Variants in DLGAP5 observed in about 807,000 individuals in gnomAD.
DLGAP5 encodes the protein disks large-associated protein 5.
DLGAP5 carries 90 observed loss-of-function variants against 99.6 expected under a neutral mutation model. The ratio of observed to expected loss-of-function variants is 0.90; its 90% CI spans 0.76 to 1.08. The LOEUF is 1.08. Among genes scored for constraint, DLGAP5 ranks in the 50% least tolerant of loss-of-function variants. DLGAP5 has a pLI of 0.00. For synonymous variants in DLGAP5, 311 were observed against 321.3 expected (o/e 0.97, Z 0.34); for missense variants, 1,036 against 983.5 (o/e 1.05, Z -0.71).
At chr14:55,178,132 G>C (rs1883147436) in intron 7 of DLGAP5, among the ~76,000 whole-genome samples, 1 of 151,452 alleles carries the variant, frequency 6.6e-6, no homozygotes, top group South Asian at 2.1e-4. Flanking sequence ...GGCGCCTATA[G>C]TCCCAGCTAC....
In DLGAP5 at chr14:55,148,198, G is replaced by T; in HGVS notation, c.*153C>A. The T allele has an allele frequency of 1.3e-6, 1 of 749,182 alleles. No homozygotes were observed. Among genetic ancestry groups the T allele is most frequent in the Non-Finnish European group, 2.1e-6 (1 of 483,280 alleles). The allele number at this position is 749,182 out of a possible 1,614,324, so 46.4% of individuals were successfully genotyped here. ...ATATCCCCACTTCCCTTGAGAAAGA[G>T]TATATCTAAAATACACTTTGATGAA... On this transcript the variant is annotated 3_prime_UTR_variant, in exon 19 of 19. Coordinates refer to ENST00000247191, the MANE Select transcript of DLGAP5 (RefSeq NM_014750.5).
At chr14:55,161,604 T>C (rs1282468535) in intron 13 of DLGAP5, among the ~76,000 whole-genome samples, 1 of 150,892 alleles carries the variant, frequency 6.6e-6, no homozygotes, top group African/African-American at 2.4e-5. Context: ...GAGACGGGGT[T>C]TCTCCACGAT....
chr14:55,182,066 C>A (rs1325082640), intron 4 of DLGAP5, among the ~76,000 whole-genome samples: 2 of 152,178 alleles, frequency 1.3e-5, no homozygotes, highest in South Asian at 2.1e-4. Context: ...TAACACCTAC[C>A]CTGTGTGCTT....
At chr14:55,150,703 T>C (rs1341274411) in intron 18 of DLGAP5, 96 bp downstream of exon 18, 4 of 929,614 alleles carry the variant, frequency 4.3e-6, no homozygotes, top group African/African-American at 1.8e-5. Flanking sequence ...AATGACAAGA[T>C]ATACATTTTA....
At chr14:55,177,788 A>C (rs866159972) in intron 7 of DLGAP5, among the ~76,000 whole-genome samples, 6 of 151,120 alleles carry the variant, frequency 4.0e-5, no homozygotes, top group Admixed American at 2.6e-4. Context: ...CCGCCCGCCT[A>C]GGCCTCCCAA....
At chr14:55,159,783 T>C (rs1882351204) in intron 13 of DLGAP5, among the ~76,000 whole-genome samples, 1 of 152,100 alleles carries the variant, frequency 6.6e-6, no homozygotes, top group Non-Finnish European at 1.5e-5. Flanking sequence ...ACAGGAAAAT[T>C]ACGGAAGGAA....
chr14:55,161,640 C>T (rs947004967), intron 13 of DLGAP5, among the ~76,000 whole-genome samples: 1 of 151,144 alleles, frequency 6.6e-6, no homozygotes, highest in Non-Finnish European at 1.5e-5. Context: ...GAACTCCCGA[C>T]CTCAGGTGAT....
At chr14:55,180,898 C>T (rs1883250313) in intron 5 of DLGAP5, 120 bp from the exon 6 acceptor site, 6 of 1,326,846 alleles carry the variant, frequency 4.5e-6, no homozygotes, top group South Asian at 4.0e-5. Flanking sequence ...AGGAGGATTA[C>T]TTCAGCCCAG....
At chr14:55,177,672 G>A (rs1387649664) in intron 7 of DLGAP5, among the ~76,000 whole-genome samples, 1 of 151,758 alleles carries the variant, frequency 6.6e-6, no homozygotes, top group African/African-American at 2.4e-5. Flanking sequence ...CAAGTAGCTG[G>A]GACTACAGAC....
Position 55,181,211 on chromosome 14 carries a change from A to C in DLGAP5, c.580+2T>G. ...ATTTATAGTAATTGCTAATATTCCT[A>C]CCTTTTTTCTCTTTGTCTGACACTT... On this transcript the variant is annotated splice_donor_variant, in intron 5 of 18. Transcript: ENST00000247191. LOFTEE classifies it high-confidence loss of function. 2 of 1,613,060 alleles carry C rather than the reference A, an allele frequency of 1.2e-6. No homozygotes were observed. The highest frequency in any genetic ancestry group is 1.7e-6 in the Non-Finnish European group (2 of 1,179,520).
At chr14:55,164,705 T>C (rs185052698) in intron 12 of DLGAP5, among the ~76,000 whole-genome samples, 148 of 152,070 alleles carry the variant, frequency 9.7e-4, no homozygotes, top group African/African-American at 3.4e-3. Context: ...GTGGATCACT[T>C]GAGGTCAGGA....
chr14:55,164,814 C>T (rs1391843848), intron 12 of DLGAP5, among the ~76,000 whole-genome samples: 10 of 150,388 alleles, frequency 6.6e-5, no homozygotes, highest in Admixed American at 4.0e-4. Flanking sequence ...CCCAGCTATT[C>T]GGGAGGCTGA....
chr14:55,153,932 T>C (rs1338161275), intron 15 of DLGAP5, among the ~76,000 whole-genome samples: 1 of 152,072 alleles, frequency 6.6e-6, no homozygotes, highest in Non-Finnish European at 1.5e-5. Flanking sequence ...GGCGCGTGTC[T>C]GTAGTCCTAG....
At chr14:55,169,283 C>G in intron 12 of DLGAP5, 116 bp downstream of exon 12, 1 of 562,730 alleles carries the variant, frequency 1.8e-6, no homozygotes, top group Non-Finnish European at 2.7e-6. Context: ...TTTATAACAT[C>G]TTATTTAATA....
intron 10 of DLGAP5, among the ~76,000 whole-genome samples, chr14:55,174,526 G>A (rs1283140527): frequency 2.0e-5 from 3 of 152,068 alleles, no homozygotes; most frequent in African/African-American, 7.3e-5. Context: ...TGCAGCTTGT[G>A]GGGCATCACG....
chr14:55,151,974 CAATTT>C, intron 16 of DLGAP5, 33 bp from the exon 17 acceptor site: 1 of 1,579,844 alleles, frequency 6.3e-7, no homozygotes, highest in Non-Finnish European at 8.6e-7. Context: ...ATTTAATTAT[CAATTT>C]AATTACTTGG....
intron 1 of DLGAP5, among the ~76,000 whole-genome samples, chr14:55,189,431 A>G (rs1013573629): frequency 4.6e-5 from 7 of 152,180 alleles, no homozygotes; most frequent in African/African-American, 1.7e-4. Context: ...GTCCAGAATA[A>G]AAGAGGCTCT....
At chr14:55,168,756 C>G (rs1449204552) in intron 12 of DLGAP5, among the ~76,000 whole-genome samples, 1 of 152,120 alleles carries the variant, frequency 6.6e-6, no homozygotes, top group Non-Finnish European at 1.5e-5. Context: ...ACAATACGGG[C>G]ACACAACAGG....
intron 15 of DLGAP5, 71 bp downstream of exon 15, chr14:55,154,546 C>T (rs1360349954): frequency 2.3e-6 from 3 of 1,301,164 alleles, no homozygotes; most frequent in Non-Finnish European, 3.3e-6. Context: ...CACCTTTTAC[C>T]ATCTTAACAA....
Sources: gnomAD v4.1 joint callset for allele counts (sites outside exome capture counted in the v4.1 genomes callset) on GRCh38, gnomAD v4.1.1 for gene constraint, MANE v1.5 for transcripts, NCBI Gene and HGNC (gene_info 2026-07-23, HGNC 2026-07-21) for gene names.